The following RGS12 variants were observed in gnomAD, a reference collection of about 807,000 sequenced individuals.
RGS12 encodes regulator of G protein signaling 12, also known as regulator of G-protein signaling 12.
Under a neutral mutation model 120.1 loss-of-function variants are expected in RGS12, and 66 were observed. The observed-to-expected ratio is 0.55, with a 90% CI of 0.45 to 0.67. RGS12 has a LOEUF of 0.67. Among genes scored for constraint, RGS12 ranks in the 30% least tolerant of loss-of-function variants. The probability of loss-of-function intolerance (pLI) is 0.00; values close to 1 mark genes in which losing one functional copy is unlikely to be tolerated. For synonymous variants in RGS12, 827 were observed against 804.7 expected (o/e 1.03, Z -0.47); for missense variants, 1,859 against 1,957.7 (o/e 0.95, Z 0.95).
At chr4:3,289,759 C>G (rs1722973437), upstream of RGS12, among the ~76,000 whole-genome samples, 1 of 152,148 alleles carries the variant, frequency 6.6e-6, no homozygotes, top group South Asian at 2.1e-4. Flanking sequence ...ATCTTCTGAA[C>G]TTAATTCATC....
chr4:3,407,093 T>TC (rs1721213053), intron 4 of RGS12, among the ~76,000 whole-genome samples: 1 of 152,254 alleles, frequency 6.6e-6, no homozygotes, highest in Non-Finnish European at 1.5e-5. Context: ...TACTTTTTTT[T>TC]CCTTTGCCAC....
In RGS12 at chr4:3,390,802, C is replaced by T. The variant is rs1435173750; in HGVS notation, c.2020+4365C>T. 1.3e-5 allele frequency among the ~76,000 whole-genome samples: 2 copies of T among 152,226 alleles called. No individual in the cohort carries two copies. The highest frequency in any genetic ancestry group is 2.1e-4 in the South Asian group (1 of 4,834). Reference sequence around the variant, plus strand: ...CTGAGGCCTGGGGAGCTGTCACAAACGGCTGCCTGATGGGGGAGGGTTACC... The same window carrying T: ...CTGAGGCCTGGGGAGCTGTCACAAATGGCTGCCTGATGGGGGAGGGTTACC... On this transcript the variant is annotated intron_variant, in intron 4 of 17. Coordinates refer to ENST00000336727, the MANE Select transcript of RGS12 (RefSeq NM_001394154.1). This position sits in a 1 kb window ranked among gnomAD's most constrained non-coding sequence, Gnocchi z 4.6.
At chr4:3,368,896 A>G (rs1486181488) in intron 3 of RGS12, among the ~76,000 whole-genome samples, 1 of 152,088 alleles carries the variant, frequency 6.6e-6, no homozygotes, top group Non-Finnish European at 1.5e-5. Context: ...ACTGCCTGCC[A>G]TGCCTGTCGT....
intron 1 of RGS12, among the ~76,000 whole-genome samples, chr4:3,306,452 G>C (rs568103719): frequency 6.6e-6 from 1 of 152,238 alleles, no homozygotes; most frequent in African/African-American, 2.4e-5. Context: ...AGTCCCGCTC[G>C]ATAAGCGGCA....
chr4:3,439,316 A>T, intron 17 of RGS12, 139 bp from the exon 18 acceptor site: 1 of 852,652 alleles, frequency 1.2e-6, no homozygotes, highest in Non-Finnish European at 1.9e-6. Context: ...GCGGGACGCC[A>T]GCTGCCTCTG....
At chr4:3,308,513 G>T (rs1332184875) in intron 1 of RGS12, among the ~76,000 whole-genome samples, 2 of 152,218 alleles carry the variant, frequency 1.3e-5, no homozygotes. Context: ...GGTGCGAGGT[G>T]TATGGGGAGA....
Position 3,428,625 on chromosome 4 carries a change from G to A in RGS12, c.3479G>A (p.Arg1160Lys). 6.2e-7 allele frequency: 1 copy of A among 1,605,004 alleles called. No individual in the cohort carries two copies. The highest frequency in any genetic ancestry group is 1.1e-5 in the South Asian group (1 of 88,760). The change falls in exon 16 of 18, where the codon AGG becomes AAG. Residue 1160 changes from arginine to lysine, a missense_variant. By Grantham distance (26) the Arg-to-Lys change is conservative. Transcript: ENST00000336727. ...KIKGENGKNA[R>K]DPRLSKREES... ...AAAGGAGAAAATGGAAAAAATGCTA[G>A]GGATCCCCGGCTTTCAAAGAGAGAA...
At chr4:3,350,123 A>G (rs1714222121) in intron 3 of RGS12, among the ~76,000 whole-genome samples, 1 of 152,258 alleles carries the variant, frequency 6.6e-6, no homozygotes, top group Admixed American at 6.5e-5. Context: ...AAACTTAAAT[A>G]TAGGGGTATT....
chr4:3,423,648 G>A lies in RGS12; in HGVS notation c.3234+7G>A, dbSNP rs371387993. 136 of 1,602,314 alleles carry A rather than the reference G, an allele frequency of 8.5e-5. No individual in the cohort carries two copies. Among genetic ancestry groups the A allele is most frequent in the Non-Finnish European group, 1.1e-4 (132 of 1,177,368 alleles). ...TGGCCTGCTGGTGAGGCTGGTGAGT[G>A]TTGCACGGGGCCCGGGCGTCGTCAC... On this transcript the variant is annotated splice_region_variant and intron_variant, in intron 13 of 17. Coordinates refer to ENST00000336727, the MANE Select transcript of RGS12 (RefSeq NM_001394154.1).
chr4:3,367,511 C>A (rs1218656434), intron 3 of RGS12, among the ~76,000 whole-genome samples: 1 of 152,386 alleles, frequency 6.6e-6, no homozygotes, highest in South Asian at 2.1e-4. Context: ...GTAAACACAT[C>A]CATCCAAACA....
intron 3 of RGS12, among the ~76,000 whole-genome samples, chr4:3,355,794 C>CAAAAAAAAAAAAAAAAA (rs372490658): frequency 1.7e-5 from 1 of 58,076 alleles, no homozygotes; most frequent in Admixed American, 2.1e-4. Flanking sequence ...GACCTTGTCT[C>CAAAAAAAAAAAAAAAAA]AAAAAAAAAA....
chr4:3,417,331 A>C (rs1364525767), intron 8 of RGS12, 57 bp from the exon 9 acceptor site: 36 of 1,515,586 alleles, frequency 2.4e-5, no homozygotes, highest in Non-Finnish European at 2.9e-5. Context: ...CTTTGCACTT[A>C]ACGTAATAGT....
intron 3 of RGS12, among the ~76,000 whole-genome samples, chr4:3,361,573 G>A (rs906103662): frequency 6.6e-6 from 1 of 152,312 alleles, no homozygotes; most frequent in East Asian, 1.9e-4. Flanking sequence ...CCTGTGAGCC[G>A]GGTGGGATGG....
rs755587984 is a variant in RGS12, at chr4:3,316,400, A to G, written c.230A>G (p.His77Arg). Residue 77 changes from histidine (H) to arginine (R), a missense_variant, in exon 2 of 18, where the codon CAT becomes CGT. By Grantham distance (29) the His-to-Arg change is conservative (BLOSUM62 0). Around this residue, in one of 3 missense-constraint regions of RGS12, gnomAD observed 967 missense variants for 994.2 expected, o/e 0.97. Coordinates refer to ENST00000336727, the MANE Select transcript of RGS12 (RefSeq NM_001394154.1). ...VNEINVKKAS[H>R]EDVVKLIGKC... ...GAAATCAACGTGAAAAAAGCATCTC[A>G]TGAAGATGTAGTGAAATTAATTGGG... The G allele has an allele frequency of 4.7e-5, 76 of 1,613,578 alleles. No individual in the cohort carries two copies. In the Admixed American group the frequency reaches 1.3e-3, roughly 27 times the overall value.
At chr4:3,310,011 T>G (rs80112739) in intron 1 of RGS12, among the ~76,000 whole-genome samples, 2 of 59,070 alleles carry the variant, frequency 3.4e-5, no homozygotes, top group Non-Finnish European at 3.4e-5. Flanking sequence ...GGGAACCGTG[T>G]GGGGGAGGAG....
At chr4:3,371,636 C>T (rs1032244949) in intron 3 of RGS12, among the ~76,000 whole-genome samples, 9 of 152,110 alleles carry the variant, frequency 5.9e-5, no homozygotes, top group African/African-American at 1.7e-4. Flanking sequence ...CAGAAGTGAG[C>T]GGCTCCCCCT....
At chr4:3,318,735 T>C (rs1424140950) in intron 2 of RGS12, among the ~76,000 whole-genome samples, 1 of 152,132 alleles carries the variant, frequency 6.6e-6, no homozygotes, top group Non-Finnish European at 1.5e-5. Context: ...TGGAAGGGAC[T>C]TTGTCCAGCA....
chr4:3,332,729 C>G (rs928247917), intron 2 of RGS12, among the ~76,000 whole-genome samples: 1 of 152,238 alleles, frequency 6.6e-6, no homozygotes. Flanking sequence ...GCTGGTTGTG[C>G]ACTTCGCACG....
chr4:3,316,047 A>G, intron 1 of RGS12, 23 bp from the exon 2 acceptor site: 1 of 898,576 alleles, frequency 1.1e-6, no homozygotes, highest in Non-Finnish European at 1.7e-6. Context: ...TTTAATAATG[A>G]GCTGTTCGTT....
Sources: allele counts gnomAD v4.1 joint callset (sites outside exome capture counted in the v4.1 genomes callset), GRCh38; gene constraint gnomAD v4.1.1; regional missense constraint gnomAD v4.1.1; non-coding constraint Gnocchi (gnomAD v3.1); transcripts MANE v1.5; gene names NCBI Gene and HGNC (gene_info 2026-07-23, HGNC 2026-07-21).